VAV2: variants seen among roughly 807,000 people sequenced by gnomAD.
VAV2 encodes vav guanine nucleotide exchange factor 2.
Under a neutral mutation model 132.5 loss-of-function variants are expected in VAV2, and 67 were observed. The observed-to-expected ratio is 0.51, with a 90% CI of 0.42 to 0.62. The LOEUF (loss-of-function observed/expected upper bound fraction) is 0.62, where lower values mean the gene tolerates loss of function less well. Ranked by LOEUF, VAV2 falls within the 20% of genes least tolerant of loss-of-function variation. The probability of loss-of-function intolerance (pLI) is 0.00; values close to 1 mark genes in which losing one functional copy is unlikely to be tolerated. For missense variants in VAV2, 938 were observed against 1,153.6 expected (o/e 0.81, Z 2.71); for synonymous variants, 492 against 443.5 (o/e 1.11, Z -1.37).
intron 2 of VAV2, among the ~76,000 whole-genome samples, chr9:133,878,577 GC>G (rs1444689482): frequency 6.6e-6 from 1 of 152,088 alleles, no homozygotes; most frequent in Non-Finnish European, 1.5e-5. Flanking sequence ...GCAGATGCAA[GC>G]CCCCACCTCC....
intron 2 of VAV2, among the ~76,000 whole-genome samples, chr9:133,876,092 G>A (rs992794668): frequency 7.2e-5 from 11 of 152,220 alleles, no homozygotes; most frequent in African/African-American, 2.4e-4. Flanking sequence ...TTGGGCCTTC[G>A]GATCAGGACT....
At position 133,908,931 on chromosome 9, in the gene VAV2, C is replaced by T. The variant is rs145211576; in HGVS notation, c.321+30172G>A. Among the ~76,000 whole-genome samples, 838 of 152,362 alleles carry T rather than the reference C, an allele frequency of 5.5e-3. 11 individuals carry two copies. Among genetic ancestry groups the T allele is most frequent in the African/African-American group, 0.019 (772 of 41,590 alleles). On this transcript the variant is annotated intron_variant, in intron 2 of 29. Coordinates refer to ENST00000371850, the MANE Select transcript of VAV2 (RefSeq NM_001134398.2). ...GGCCCAGTGGGCATGCAGGCAGCTGCGCTCCCAGAATCTCCACACAGAACT... is the reference window on the plus strand; with the variant it reads ...GGCCCAGTGGGCATGCAGGCAGCTGTGCTCCCAGAATCTCCACACAGAACT...
Position 133,768,487 on chromosome 9 carries a change from G to A in VAV2, c.2544C>T (p.Arg848=). 2 of 1,613,946 alleles carry A rather than the reference G, an allele frequency of 1.2e-6. No homozygotes were observed. The highest frequency in any genetic ancestry group is 1.7e-6 in the Non-Finnish European group (2 of 1,180,014). The part of the protein sequence containing the change: ...REGDVVRIYS[R]IGGDQGWWKG... ...TCCACCAGCCCTGGTCTCCGCCGAT[G>A]CGGCTGTAGATCCTCACCACGTCAC... The change falls in exon 29 of 30, where the codon CGC becomes CGT. Residue 848 remains arginine, a synonymous_variant. Transcript: ENST00000371850. The surrounding 1 kb of genome is among the most constrained non-coding windows in gnomAD (Gnocchi z 5.3).
rs1346389751 is a variant in VAV2 at position 133,794,979 on chromosome 9, G to A, written c.1101+689C>T. Among the ~76,000 whole-genome samples, 1 of 152,246 alleles carries A rather than the reference G, an allele frequency of 6.6e-6. No individual in the cohort carries two copies. The highest frequency in any genetic ancestry group is 1.5e-5 in the Non-Finnish European group (1 of 68,036). On this transcript the variant is annotated intron_variant, in intron 12 of 29. Coordinates refer to ENST00000371850, the MANE Select transcript of VAV2 (RefSeq NM_001134398.2). The surrounding 1 kb of genome is among the most constrained non-coding windows in gnomAD (Gnocchi z 4.6). ...GGACGTGGCCAGGTGACGAGGAGGA[G>A]GGTGCACCTGAGCCAACACCCGGAG...
chr9:133,946,188 C>T (rs890283647), intron 1 of VAV2, among the ~76,000 whole-genome samples: 2 of 152,238 alleles, frequency 1.3e-5, no homozygotes, highest in Admixed American at 6.5e-5. Context: ...CCCGCCACCC[C>T]GCTGGCCTTT....
At chr9:133,789,213 A>T in intron 14 of VAV2, 45 bp downstream of exon 14, 1 of 1,606,734 alleles carries the variant, frequency 6.2e-7, no homozygotes, top group Non-Finnish European at 8.5e-7. Flanking sequence ...GGAGAGCCAG[A>T]CCCTGGCGGG....
intron 2 of VAV2, among the ~76,000 whole-genome samples, chr9:133,911,867 G>A (rs912371360): frequency 1.3e-5 from 2 of 152,240 alleles, no homozygotes; most frequent in Non-Finnish European, 2.9e-5. Flanking sequence ...CCACTCTCAC[G>A]TGGCCCAGAG....
chr9:133,916,891 T>C (rs1588366616), intron 2 of VAV2, among the ~76,000 whole-genome samples: 1 of 152,282 alleles, frequency 6.6e-6, no homozygotes, highest in Admixed American at 6.5e-5. Context: ...GTGTGACCCA[T>C]GGCCACTCAC....
Position 133,918,621 on chromosome 9 carries a change from C to T in VAV2, c.321+20482G>A, listed in dbSNP as rs547990710. 3.4e-4 allele frequency among the ~76,000 whole-genome samples: 51 copies of T among 152,164 alleles called. No individual in the cohort carries two copies. Among genetic ancestry groups the T allele is most frequent in the South Asian group, 2.3e-3 (11 of 4,808 alleles). On this transcript the variant is annotated intron_variant, in intron 2 of 29. Coordinates refer to ENST00000371850, the MANE Select transcript of VAV2 (RefSeq NM_001134398.2). The surrounding 1 kb of genome is among the most constrained non-coding windows in gnomAD (Gnocchi z 4.7). ...ATTTCGTGGGTAAGAAAGCTGAGGC[C>T]CACAGAGTCATGTAGCATGCCCGAG...
At chr9:133,785,581 C>G (rs1212686802) in intron 17 of VAV2, among the ~76,000 whole-genome samples, 195 bp downstream of exon 17, 3 of 152,170 alleles carry the variant, frequency 2.0e-5, no homozygotes, top group African/African-American at 4.8e-5. Context: ...TCACTCTGGA[C>G]TGATTGTTAA....
chr9:133,895,829 G>A (rs1475485036), intron 2 of VAV2, among the ~76,000 whole-genome samples: 3 of 151,906 alleles, frequency 2.0e-5, no homozygotes, highest in African/African-American at 2.4e-5. Context: ...ACTTTAAAAA[G>A]AGCAAGAACA....
chr9:133,904,145 C>T (rs1839549843), intron 2 of VAV2, among the ~76,000 whole-genome samples: 1 of 152,208 alleles, frequency 6.6e-6, no homozygotes, highest in African/African-American at 2.4e-5. Flanking sequence ...GCGAATGGGG[C>T]TCCAGCCCGT....
chr9:133,780,507 GC>G (rs1296859304), intron 20 of VAV2, among the ~76,000 whole-genome samples, 186 bp downstream of exon 20: 4 of 152,252 alleles, frequency 2.6e-5, no homozygotes, highest in Admixed American at 2.6e-4. Flanking sequence ...CACCGCTGGG[GC>G]CCCTAGGAGG....
intron 2 of VAV2, among the ~76,000 whole-genome samples, chr9:133,874,715 C>T (rs1471399839): frequency 2.0e-5 from 3 of 152,162 alleles, no homozygotes; most frequent in African/African-American, 7.2e-5. Context: ...CTGCTTCTTC[C>T]TTGGACCCTT....
At chr9:133,793,473 G>A (rs926981772) in intron 12 of VAV2, among the ~76,000 whole-genome samples, 1 of 152,074 alleles carries the variant, frequency 6.6e-6, no homozygotes, top group East Asian at 1.9e-4. Flanking sequence ...GGGGTGTTCC[G>A]TTTTCTTGTC....
At chr9:133,765,689 T>C (rs1833406752) in intron 29 of VAV2, among the ~76,000 whole-genome samples, 1 of 152,144 alleles carries the variant, frequency 6.6e-6, no homozygotes, top group Admixed American at 6.5e-5. Context: ...CTGGTAAGAT[T>C]TGAATATGGA....
In VAV2 at chr9:133,979,623, A is replaced by G. The variant is rs537871325; in HGVS notation, c.204+12452T>C. 1.9e-3 allele frequency among the ~76,000 whole-genome samples: 290 copies of G among 152,328 alleles called. 2 individuals carry two copies. The highest frequency in any genetic ancestry group is 6.6e-3 in the African/African-American group (276 of 41,580). On this transcript the variant is annotated intron_variant, in intron 1 of 29. Coordinates refer to ENST00000371850, the MANE Select transcript of VAV2 (RefSeq NM_001134398.2). ...ACGGCCGCCGGCAGGACAGGCAGCC[A>G]GGCACTAATCCGGGCCCGGCCCCGC...
At chr9:133,785,138 C>T (rs1325812931) in intron 17 of VAV2, among the ~76,000 whole-genome samples, 1 of 152,108 alleles carries the variant, frequency 6.6e-6, no homozygotes, top group Non-Finnish European at 1.5e-5. Context: ...TTCGATCCTC[C>T]CAAAAAGGCC....
At position 133,834,434 on chromosome 9, in the gene VAV2, C is replaced by A; in HGVS notation, c.381-94G>T. Reference sequence around the variant, plus strand: ...ACCCCACAGCAGAGCCCAGTGTGGCCCAGCCAGGAGCAAAGGGGCTCTTGT... The same window carrying A: ...ACCCCACAGCAGAGCCCAGTGTGGCACAGCCAGGAGCAAAGGGGCTCTTGT... On this transcript the variant is annotated intron_variant, in intron 3 of 29. Coordinates refer to ENST00000371850, the MANE Select transcript of VAV2 (RefSeq NM_001134398.2). This position sits in a 1 kb window ranked among gnomAD's most constrained non-coding sequence, Gnocchi z 5.9. 2 of 1,338,302 alleles carry A rather than the reference C, an allele frequency of 1.5e-6. No homozygotes were observed. The highest frequency in any genetic ancestry group is 2.1e-5 in the Admixed American group (1 of 47,702). 82.9% of individuals were successfully genotyped at this position (1,338,302 alleles called of 1,614,324 possible). A position where few individuals can be genotyped will look rare whatever the true frequency, so the allele number is the denominator to read the frequency against.
Sources: gnomAD v4.1 joint callset for allele counts (sites outside exome capture counted in the v4.1 genomes callset) on GRCh38, gnomAD v4.1.1 for gene constraint, Gnocchi (gnomAD v3.1) non-coding constraint, MANE v1.5 for transcripts, NCBI Gene and HGNC (gene_info 2026-07-23, HGNC 2026-07-21) for gene names.